Variants in PRKN observed in about 807,000 individuals in gnomAD.
The protein encoded by PRKN is E3 ubiquitin-protein ligase parkin.
In PRKN, 56 loss-of-function variants were observed where a neutral mutation model predicts 59.5. The observed-to-expected ratio is 0.94, with a 90% CI of 0.76 to 1.18. The LOEUF (loss-of-function observed/expected upper bound fraction) is 1.18. PRKN is among the 50% of genes most tolerant of loss of function. PRKN has a pLI of 0.00. For missense variants in PRKN, 657 were observed against 596.4 expected, an observed-to-expected ratio of 1.10 and a Z score of -1.06; for synonymous variants, 250 against 222.1, an observed-to-expected ratio of 1.13 and a Z score of -1.12.
chr6:162,516,885 G>A (rs1242146012), intron 1 of PRKN, among the ~76,000 whole-genome samples: 1 of 152,140 alleles, frequency 6.6e-6, no homozygotes, highest in Admixed American at 6.6e-5. Context: ...ATTCTGCTGA[G>A]CATAGTAGTT....
intron 1 of PRKN, among the ~76,000 whole-genome samples, chr6:162,510,973 T>C (rs1271267958): frequency 1.4e-5 from 2 of 148,008 alleles, no homozygotes; most frequent in African/African-American, 5.0e-5. Context: ...TATATATATA[T>C]ACCCACTGAA....
At chr6:161,897,766 G>C (rs1257059407) in intron 6 of PRKN, among the ~76,000 whole-genome samples, 2 of 151,046 alleles carry the variant, frequency 1.3e-5, no homozygotes, top group Non-Finnish European at 2.9e-5. Context: ...TGGATCACGA[G>C]GTCAGGAGAT....
At chr6:162,039,712 G>A (rs1040514658) in intron 5 of PRKN, among the ~76,000 whole-genome samples, 1 of 152,160 alleles carries the variant, frequency 6.6e-6, no homozygotes, top group Non-Finnish European at 1.5e-5. Context: ...TTCCTTTATA[G>A]CAACACAGAC....
intron 1 of PRKN, among the ~76,000 whole-genome samples, chr6:162,622,791 G>A (rs1315178033): frequency 1.3e-5 from 2 of 152,160 alleles, no homozygotes; most frequent in Non-Finnish European, 2.9e-5. Flanking sequence ...TGGGTTTCAT[G>A]AGCGGAAAAG....
At chr6:161,952,415 C>G (rs920998596) in intron 6 of PRKN, among the ~76,000 whole-genome samples, 1 of 151,994 alleles carries the variant, frequency 6.6e-6, no homozygotes, top group African/African-American at 2.4e-5. Flanking sequence ...CTCAGGAGTT[C>G]GAGACCAGCC....
chr6:162,561,975 G>A (rs1221429352), intron 1 of PRKN, among the ~76,000 whole-genome samples: 1 of 152,174 alleles, frequency 6.6e-6, no homozygotes, highest in African/African-American at 2.4e-5. Flanking sequence ...AGACAAGGGA[G>A]TGCTGGCATC....
At chr6:162,533,613 G>A (rs887709468) in intron 1 of PRKN, among the ~76,000 whole-genome samples, 5 of 152,076 alleles carry the variant, frequency 3.3e-5, no homozygotes, top group East Asian at 1.9e-4. Context: ...CTTCAAATGC[G>A]GGTTTTACAC....
intron 6 of PRKN, among the ~76,000 whole-genome samples, chr6:161,803,957 G>A (rs986917156): frequency 6.6e-6 from 1 of 152,218 alleles, no homozygotes; most frequent in African/African-American, 2.4e-5. Flanking sequence ...AGGAGGCGGT[G>A]TTGCCGATGT....
chr6:162,130,958 T>C (rs1583075369), intron 4 of PRKN, among the ~76,000 whole-genome samples: 1 of 152,360 alleles, frequency 6.6e-6, no homozygotes, highest in East Asian at 1.9e-4. Flanking sequence ...ATCATTTAGA[T>C]AATCTTAACA....
chr6:161,725,386 T>C (rs1017793703), intron 7 of PRKN, among the ~76,000 whole-genome samples: 1 of 152,190 alleles, frequency 6.6e-6, no homozygotes, highest in African/African-American at 2.4e-5. Context: ...ACTACATTAC[T>C]TGGTGCCTGA....
At chr6:162,213,471 T>C (rs1056119311) in intron 3 of PRKN, among the ~76,000 whole-genome samples, 2 of 152,154 alleles carry the variant, frequency 1.3e-5, no homozygotes, top group African/African-American at 4.8e-5. Flanking sequence ...CTCATGCCTG[T>C]CATCCCAGCA....
At chr6:162,021,815 A>ATAGG (rs1783215840) in intron 5 of PRKN, among the ~76,000 whole-genome samples, 1 of 152,106 alleles carries the variant, frequency 6.6e-6, no homozygotes, top group South Asian at 2.1e-4. Context: ...ATAGTGCCCA[A>ATAGG]TAGGTAGTTT....
chr6:161,835,561 G>A (rs370346203), intron 6 of PRKN, among the ~76,000 whole-genome samples: 18 of 152,184 alleles, frequency 1.2e-4, no homozygotes, highest in African/African-American at 3.6e-4. Flanking sequence ...CACTGGCAGC[G>A]GCAAAATGCT....
At chr6:161,862,725 G>A (rs1793954708) in intron 6 of PRKN, among the ~76,000 whole-genome samples, 1 of 152,080 alleles carries the variant, frequency 6.6e-6, no homozygotes, top group Non-Finnish European at 1.5e-5. Context: ...AAAGGCTGGT[G>A]GCAGCTTCCC....
intron 2 of PRKN, among the ~76,000 whole-genome samples, chr6:162,324,648 A>G (rs1313661501): frequency 1.3e-5 from 2 of 152,078 alleles, no homozygotes; most frequent in African/African-American, 4.8e-5. Context: ...CACAACTTGC[A>G]CACACACTAT....
intron 1 of PRKN, among the ~76,000 whole-genome samples, chr6:162,510,364 A>T (rs546126491): frequency 3.4e-4 from 51 of 150,816 alleles, no homozygotes; most frequent in Non-Finnish European, 6.3e-4. Context: ...TGCATTTTCC[A>T]TATGATGATG....
intron 1 of PRKN, among the ~76,000 whole-genome samples, chr6:162,499,548 G>A (rs1793266717): frequency 1.3e-5 from 2 of 152,148 alleles, no homozygotes; most frequent in Admixed American, 1.3e-4. Context: ...TGTGGAGACT[G>A]GGGCAACTAT....
chr6:161,896,215 T>C (rs748862669), intron 6 of PRKN, among the ~76,000 whole-genome samples: 2 of 152,288 alleles, frequency 1.3e-5, no homozygotes, highest in Non-Finnish European at 1.5e-5. Context: ...CTCCTCCTAT[T>C]GTAAGGTGGG....
chr6:161,636,734 A>T (rs1783535903), intron 7 of PRKN, among the ~76,000 whole-genome samples: 1 of 152,140 alleles, frequency 6.6e-6, no homozygotes, highest in East Asian at 1.9e-4. Context: ...CTCTATGTAT[A>T]TATAAAAAAA....
Sources: gnomAD v4.1 joint callset for allele counts (sites outside exome capture counted in the v4.1 genomes callset) on GRCh38, gnomAD v4.1.1 for gene constraint, MANE v1.5 for transcripts, NCBI Gene and HGNC (gene_info 2026-07-23, HGNC 2026-07-21) for gene names.